The following NKAIN3 variants were observed in gnomAD, a reference collection of about 807,000 sequenced individuals.
NKAIN3 encodes the protein sodium/potassium-transporting ATPase subunit beta-1-interacting protein 3.
In NKAIN3, 25 loss-of-function variants were observed where a neutral mutation model predicts 30.2. That is an observed-to-expected ratio of 0.83 (90% CI 0.60 to 1.16). The LOEUF is 1.16. Ranked by LOEUF, NKAIN3 falls within the 50% of genes most tolerant of loss-of-function variation. NKAIN3 has a pLI of 0.00. For synonymous variants in NKAIN3, 91 were observed against 89.6 expected, an observed-to-expected ratio of 1.02 and a Z score of -0.09; for missense variants, 225 against 254.1, an observed-to-expected ratio of 0.89 and a Z score of 0.78.
At chr8:62,686,742 C>A (rs1340480049) in intron 3 of NKAIN3, among the ~76,000 whole-genome samples, 1 of 152,176 alleles carries the variant, frequency 6.6e-6, no homozygotes, top group African/African-American at 2.4e-5. Context: ...AACTAACATC[C>A]ATTTTCAATA....
chr8:62,890,173 T>G (rs1302282816), intron 4 of NKAIN3, among the ~76,000 whole-genome samples: 1 of 152,170 alleles, frequency 6.6e-6, no homozygotes, highest in Non-Finnish European at 1.5e-5. Context: ...TCTGATAAGC[T>G]CCCTTGGAAG....
At chr8:62,805,719 T>C (rs1222541126) in intron 4 of NKAIN3, among the ~76,000 whole-genome samples, 3 of 152,188 alleles carry the variant, frequency 2.0e-5, no homozygotes, top group African/African-American at 7.2e-5. Context: ...ACCTAGGCAT[T>C]ACCATTCAGG....
chr8:62,996,001 AC>A (rs1482441828), intron 5 of NKAIN3, among the ~76,000 whole-genome samples: 1 of 152,180 alleles, frequency 6.6e-6, no homozygotes, highest in African/African-American at 2.4e-5. Flanking sequence ...AAGACTGAGA[AC>A]CACTGGTCCA....
intron 3 of NKAIN3, among the ~76,000 whole-genome samples, chr8:62,668,285 A>G (rs188966025): frequency 2.6e-5 from 4 of 152,328 alleles, no homozygotes; most frequent in African/African-American, 4.8e-5. Context: ...CCCAGTGCCT[A>G]GAACTGGGCC....
chr8:62,403,468 T>C (rs1208929475), intron 1 of NKAIN3, among the ~76,000 whole-genome samples: 1 of 152,058 alleles, frequency 6.6e-6, no homozygotes, highest in Non-Finnish European at 1.5e-5. Context: ...GATCCAGGGC[T>C]CCCCTGCTGT....
intron 5 of NKAIN3, among the ~76,000 whole-genome samples, chr8:62,942,183 TATACACATATATATAC>T (rs1262228311): frequency 1.0e-5 from 1 of 95,534 alleles, no homozygotes; most frequent in East Asian, 2.0e-4. Context: ...TATATATATA[TATACACATATATATAC>T]ACACATATAT....
intron 4 of NKAIN3, among the ~76,000 whole-genome samples, chr8:62,843,924 A>C (rs904507208): frequency 1.3e-5 from 2 of 152,092 alleles, no homozygotes; most frequent in African/African-American, 4.8e-5. Context: ...ACCTTTCTGC[A>C]CAAATGAAAT....
At chr8:62,781,054 T>A (rs952237537) in intron 4 of NKAIN3, among the ~76,000 whole-genome samples, 1 of 151,924 alleles carries the variant, frequency 6.6e-6, no homozygotes, top group African/African-American at 2.4e-5. Context: ...CACCAAAAAC[T>A]CTTAGAACTT....
chr8:62,720,046 T>C (rs1219336441), intron 3 of NKAIN3, among the ~76,000 whole-genome samples: 1 of 152,068 alleles, frequency 6.6e-6, no homozygotes, highest in Admixed American at 6.5e-5. Context: ...CGTGAGCCAC[T>C]GCGCCGGGCC....
At chr8:62,479,590 A>C (rs2129600670) in intron 1 of NKAIN3, among the ~76,000 whole-genome samples, 1 of 152,272 alleles carries the variant, frequency 6.6e-6, no homozygotes, top group South Asian at 2.1e-4. Flanking sequence ...ATAAAAGATC[A>C]GTTTTGGTTT....
intron 3 of NKAIN3, among the ~76,000 whole-genome samples, chr8:62,627,078 A>G (rs922620475): frequency 2.0e-5 from 3 of 152,132 alleles, no homozygotes; most frequent in Non-Finnish European, 2.9e-5. Flanking sequence ...CTTTCCCCCA[A>G]CGCCTCGGGG....
intron 4 of NKAIN3, among the ~76,000 whole-genome samples, chr8:62,847,307 G>A (rs568202563): frequency 1.4e-4 from 22 of 152,186 alleles, no homozygotes; most frequent in Middle Eastern, 3.4e-3. Context: ...CCCACTAACC[G>A]TGTAAAAGTG....
chr8:62,417,296 C>T (rs1332527746), intron 1 of NKAIN3, among the ~76,000 whole-genome samples: 1 of 152,062 alleles, frequency 6.6e-6, no homozygotes, highest in African/African-American at 2.4e-5. Context: ...TTGCAGATAA[C>T]AGGATTTCAT....
At chr8:62,755,868 G>T (rs1031079206) in intron 4 of NKAIN3, among the ~76,000 whole-genome samples, 1 of 152,158 alleles carries the variant, frequency 6.6e-6, no homozygotes, top group Non-Finnish European at 1.5e-5. Context: ...ATTGAGAGGG[G>T]TTTATGGTTG....
intron 1 of NKAIN3, among the ~76,000 whole-genome samples, chr8:62,486,712 T>C (rs1388473028): frequency 2.6e-5 from 4 of 152,204 alleles, no homozygotes; most frequent in African/African-American, 9.6e-5. Flanking sequence ...GAAGACATTA[T>C]TAATCATCGC....
At chr8:62,997,685 G>A (rs920335949) in intron 5 of NKAIN3, among the ~76,000 whole-genome samples, 1 of 151,590 alleles carries the variant, frequency 6.6e-6, no homozygotes, top group Non-Finnish European at 1.5e-5. Context: ...GCCCTATAGT[G>A]AGAGAAGTAA....
intron 4 of NKAIN3, among the ~76,000 whole-genome samples, chr8:62,825,737 A>G (rs1243096697): frequency 1.3e-5 from 2 of 152,172 alleles, no homozygotes; most frequent in Non-Finnish European, 2.9e-5. Flanking sequence ...GGCTCCCCAG[A>G]TAATCTTCAG....
chr8:62,867,381 A>G (rs1419997849), intron 4 of NKAIN3, among the ~76,000 whole-genome samples: 1 of 152,204 alleles, frequency 6.6e-6, no homozygotes, highest in African/African-American at 2.4e-5. Context: ...AGCCCTCAAC[A>G]TAGTGCCTAG....
intron 4 of NKAIN3, among the ~76,000 whole-genome samples, chr8:62,902,096 G>T (rs1311233597): frequency 2.0e-5 from 3 of 152,156 alleles, no homozygotes; most frequent in East Asian, 3.9e-4. Flanking sequence ...CCTCCCAGTG[G>T]CTGCTCTGGG....
Sources: allele counts gnomAD v4.1 joint callset (sites outside exome capture counted in the v4.1 genomes callset), GRCh38; gene constraint gnomAD v4.1.1; transcripts MANE v1.5; gene names NCBI Gene and HGNC (gene_info 2026-07-23, HGNC 2026-07-21).